The following RAB3GAP2 variants were observed in gnomAD, a reference collection of about 807,000 sequenced individuals.
The protein encoded by RAB3GAP2 is RAB3 GTPase activating non-catalytic protein subunit 2, also known as rab3 GTPase-activating protein non-catalytic subunit.
A neutral mutation model predicts 185.3 loss-of-function variants in RAB3GAP2; 87 were observed. That is an observed-to-expected ratio of 0.47 (90% CI 0.39 to 0.56). The LOEUF (loss-of-function observed/expected upper bound fraction) is 0.56, where lower values mean the gene tolerates loss of function less well. RAB3GAP2 is among the 20% of genes least tolerant of loss of function. The pLI is 0.00. For missense variants in RAB3GAP2, 1,492 were observed against 1,638.2 expected (o/e 0.91, Z 1.54); for synonymous variants, 554 against 576.1 (o/e 0.96, Z 0.55).
intron 9 of RAB3GAP2, among the ~76,000 whole-genome samples, chr1:220,197,884 T>C (rs1658760393): frequency 6.6e-6 from 1 of 152,166 alleles, no homozygotes; most frequent in Non-Finnish European, 1.5e-5. Flanking sequence ...CTATTTTCAA[T>C]GTCACACTTT....
rs772430156 is a variant in RAB3GAP2 at position 220,151,272 on chromosome 1, G to A, written c.4161C>T (p.Ala1387=). Residue 1387 remains alanine, a synonymous_variant, in exon 35 of 35, where the codon GCC becomes GCT. Coordinates refer to ENST00000358951, the MANE Select transcript of RAB3GAP2 (RefSeq NM_012414.4). ...LALHLIEAVE[A]ISLPSL ...AGTGTCATAAAGAAGGAAGAGATAT[G>A]GCTTCCACAGCTTCAATGAGGTGTA... 2.7e-5 allele frequency: 44 copies of A among 1,613,818 alleles called. No homozygotes were observed.
At chr1:220,212,768 C>G (rs1003441856) in intron 4 of RAB3GAP2, 119 bp downstream of exon 4, 3 of 860,992 alleles carry the variant, frequency 3.5e-6, no homozygotes, top group Non-Finnish European at 5.8e-6. Context: ...GCTAGGATTA[C>G]AGATGTGAAC....
At position 220,213,846 on chromosome 1, in the gene RAB3GAP2, G is replaced by C. The variant is rs745717431; in HGVS notation, c.304+10C>G. 6.2e-7 allele frequency: 1 copy of C among 1,611,082 alleles called. No homozygotes were observed. Among genetic ancestry groups the C allele is most frequent in the African/African-American group, 1.3e-5 (1 of 74,760 alleles). ...AAAATAAAGGTCGCTGAAAATAATAGGATACTCACGCACTAGAAATACAGC... is the reference window on the plus strand; with the variant it reads ...AAAATAAAGGTCGCTGAAAATAATACGATACTCACGCACTAGAAATACAGC... On this transcript the variant is annotated intron_variant, in intron 3 of 34. Coordinates refer to ENST00000358951, the MANE Select transcript of RAB3GAP2 (RefSeq NM_012414.4).
rs188958800 is a variant in RAB3GAP2, at chr1:220,166,675, A to G, written c.3087+618T>C. ...CCTGGTAGAAACAGTGGCTACCGAA[A>G]GCAATAGAAAATGAAGCCTGAGCAG... On this transcript the variant is annotated intron_variant, in intron 26 of 34. Coordinates refer to ENST00000358951, the MANE Select transcript of RAB3GAP2 (RefSeq NM_012414.4). Among the ~76,000 whole-genome samples, 6 of 152,316 alleles carry G rather than the reference A, an allele frequency of 3.9e-5. 1 individual carries two copies. In the East Asian group the frequency reaches 1.2e-3, roughly 29 times the overall value.
At chr1:220,196,478 G>A in intron 9 of RAB3GAP2, 80 bp from the exon 10 acceptor site, 1 of 1,336,192 alleles carries the variant, frequency 7.5e-7, no homozygotes, top group Non-Finnish European at 1.1e-6. Context: ...ATTCTAAGAT[G>A]CTAAATGTTT....
intron 1 of RAB3GAP2, among the ~76,000 whole-genome samples, chr1:220,238,943 G>A (rs1219516728): frequency 6.6e-6 from 1 of 152,148 alleles, no homozygotes; most frequent in Non-Finnish European, 1.5e-5. Flanking sequence ...TCCTGTGTAT[G>A]TGCACACACA....
chr1:220,260,006 C>A (rs1319882126), intron 1 of RAB3GAP2, among the ~76,000 whole-genome samples: 2 of 152,176 alleles, frequency 1.3e-5, no homozygotes, highest in African/African-American at 4.8e-5. Flanking sequence ...TATCACTAAT[C>A]ATTACAGAAA....
chr1:220,218,635 T>A (rs1290200567), intron 2 of RAB3GAP2, among the ~76,000 whole-genome samples: 4 of 151,950 alleles, frequency 2.6e-5, no homozygotes, highest in Admixed American at 2.0e-4. Flanking sequence ...ATATATCTAA[T>A]GTAAATGACG....
At position 220,185,705 on chromosome 1, in the gene RAB3GAP2, A is replaced by G; in HGVS notation, c.1816T>C (p.Phe606Leu). ...TGAGTGATGTTTCTAAGGCAAGAAA[A>G]TGGTAAACGTTCACTTGCCAAAATG... is the stretch of plus-strand genomic sequence containing the variant. ...ESILASERLP[F>L]SCLRNITQTL... The change falls in exon 18 of 35, where the codon TTT (phenylalanine) becomes CTT (leucine). Residue 606 changes from phenylalanine (F) to leucine (L), a missense_variant. Phe to Leu is a conservative substitution (Grantham distance 22). Transcript: ENST00000358951. The G allele has an allele frequency of 6.2e-7, 1 of 1,612,710 alleles. No homozygotes were observed. The highest frequency in any genetic ancestry group is 8.5e-7 in the Non-Finnish European group (1 of 1,179,022).
At chr1:220,170,824 T>C (rs1658160527) in intron 24 of RAB3GAP2, 68 bp downstream of exon 24, 4 of 1,317,896 alleles carry the variant, frequency 3.0e-6, no homozygotes, top group South Asian at 1.2e-5. Context: ...CTTTCCGTCA[T>C]TTCTATTAAA....
intron 8 of RAB3GAP2, 71 bp from the exon 9 acceptor site, chr1:220,202,445 A>G: frequency 6.8e-7 from 1 of 1,466,538 alleles, no homozygotes; most frequent in South Asian, 1.1e-5. Flanking sequence ...AAACATTAAA[A>G]CCATACTAAT....
intron 1 of RAB3GAP2, among the ~76,000 whole-genome samples, chr1:220,240,004 A>G (rs1221224256): frequency 1.3e-5 from 2 of 152,118 alleles, no homozygotes; most frequent in African/African-American, 4.8e-5. Context: ...AAAAAAAAAA[A>G]AAAGAACACC....
rs368351197 is a variant in RAB3GAP2, at chr1:220,190,059, C to T, written c.1714+5G>A. 7 of 1,591,398 alleles carry T rather than the reference C, an allele frequency of 4.4e-6. No individual in the cohort carries two copies. The highest frequency in any genetic ancestry group is 6.0e-6 in the Non-Finnish European group (7 of 1,159,610). ...GCTTTATTATTTGTATGAGAGAATACCTACCAAGATTGGGAGATTTTGTTT... is the reference window on the plus strand; with the variant it reads ...GCTTTATTATTTGTATGAGAGAATATCTACCAAGATTGGGAGATTTTGTTT... On this transcript the variant is annotated splice_donor_5th_base_variant and intron_variant, in intron 16 of 34. Transcript: ENST00000358951.
intron 21 of RAB3GAP2, among the ~76,000 whole-genome samples, chr1:220,177,633 A>C (rs1430440514): frequency 6.6e-6 from 1 of 152,230 alleles, no homozygotes; most frequent in Non-Finnish European, 1.5e-5. Flanking sequence ...AATCAAATAG[A>C]AACCTCGGAG....
In RAB3GAP2 at chr1:220,197,224, G is replaced by A. The variant is rs563946494; in HGVS notation, c.812-826C>T. ...GCTGGTCTCAAACTCCTGACCTCAG[G>A]TGATCCTCCAGCCTCAGCCTCCCAA... On this transcript the variant is annotated intron_variant, in intron 9 of 34. Coordinates refer to ENST00000358951, the MANE Select transcript of RAB3GAP2 (RefSeq NM_012414.4). 2.0e-5 allele frequency among the ~76,000 whole-genome samples: 3 copies of A among 152,250 alleles called. No homozygotes were observed. The South Asian group carries it at 6.2e-4, about 32-fold the overall frequency.
At position 220,211,020 on chromosome 1, in the gene RAB3GAP2, AT is replaced by A. The variant is rs1558157068; in HGVS notation, c.387-19del. Reference sequence around the variant, plus strand: ...CACATTCCCTAAAAACAAAAACAAAATCATATGCTTACCCACTGAACTTACC... The same window carrying A: ...CACATTCCCTAAAAACAAAAACAAAACATATGCTTACCCACTGAACTTACC... On this transcript the variant is annotated intron_variant, in intron 4 of 34. Coordinates refer to ENST00000358951, the MANE Select transcript of RAB3GAP2 (RefSeq NM_012414.4). 6.2e-7 allele frequency: 1 copy of A among 1,609,762 alleles called. No homozygotes were observed. The highest frequency in any genetic ancestry group is 1.7e-5 in the Admixed American group (1 of 59,942).
chr1:220,252,138 C>A (rs1175494382), intron 1 of RAB3GAP2, among the ~76,000 whole-genome samples: 1 of 136,900 alleles, frequency 7.3e-6, no homozygotes, highest in African/African-American at 2.8e-5. Flanking sequence ...GGCTGAGACC[C>A]TCTCTCAAAA....
intron 8 of RAB3GAP2, among the ~76,000 whole-genome samples, chr1:220,204,859 A>G (rs1411040292): frequency 2.0e-5 from 3 of 151,110 alleles, no homozygotes; most frequent in Non-Finnish European, 2.9e-5. Context: ...TCCTTGCGAT[A>G]GTTTGCTGAG....
At chr1:220,197,089 C>A (rs1053620259) in intron 9 of RAB3GAP2, among the ~76,000 whole-genome samples, 1 of 151,614 alleles carries the variant, frequency 6.6e-6, no homozygotes, top group South Asian at 2.1e-4. Context: ...CAGGTTCAAG[C>A]GATTCTCTTG....
Sources: allele counts gnomAD v4.1 joint callset (sites outside exome capture counted in the v4.1 genomes callset), GRCh38; gene constraint gnomAD v4.1.1; transcripts MANE v1.5; gene names NCBI Gene and HGNC (gene_info 2026-07-23, HGNC 2026-07-21).